CSMD3: variants seen among roughly 807,000 people sequenced by gnomAD.
CSMD3 encodes CUB and Sushi multiple domains 3.
In CSMD3, 177 loss-of-function variants were observed where a neutral mutation model predicts 435.2. The ratio of observed to expected loss-of-function variants is 0.41; its 90% CI spans 0.36 to 0.46. The LOEUF is 0.46. CSMD3 is among the 20% of genes least tolerant of loss of function. The pLI, the probability that CSMD3 is intolerant of heterozygous loss-of-function variation, is 0.34. For missense variants in CSMD3, 4,265 were observed against 4,504.6 expected (o/e 0.95, Z 1.52); for synonymous variants, 1,656 against 1,520.5 (o/e 1.09, Z -2.07).
intron 27 of CSMD3, among the ~76,000 whole-genome samples, chr8:112,548,633 A>C (rs1321795894): frequency 6.6e-6 from 1 of 152,130 alleles, no homozygotes; most frequent in African/African-American, 2.4e-5. Flanking sequence ...AAATGAGATT[A>C]TGTATATAAA....
intron 7 of CSMD3, among the ~76,000 whole-genome samples, chr8:112,975,441 G>C (rs2084810144): frequency 6.6e-6 from 1 of 151,876 alleles, no homozygotes; most frequent in African/African-American, 2.4e-5. Context: ...TTACTACATG[G>C]GATAAATCAT....
intron 36 of CSMD3, among the ~76,000 whole-genome samples, chr8:112,386,940 T>C (rs959595171): frequency 1.3e-5 from 2 of 152,248 alleles, no homozygotes; most frequent in Admixed American, 1.3e-4. Context: ...ATCATATAAC[T>C]GTTCAAATTA....
In CSMD3 at chr8:112,405,213, CCATATATAT is replaced by C. The variant is rs1180991663; in HGVS notation, c.5809+1302_5809+1310del. 7.9e-3 allele frequency among the ~76,000 whole-genome samples: 142 copies of C among 17,890 alleles called. 7 individuals are homozygous for C. The highest frequency in any genetic ancestry group is 0.036 in the Middle Eastern group (1 of 28). The allele number at this position is 17,890 out of a possible 152,430, so 11.7% of individuals were successfully genotyped here. On this transcript the variant is annotated intron_variant, in intron 35 of 70. Transcript: ENST00000297405. ...AAAAAAAAAAAAAAAAAAAAAACCC[CCATATATAT>C]ATATATATATATATATATATATATA...
chr8:113,133,440 C>A (rs531883364), intron 4 of CSMD3, among the ~76,000 whole-genome samples: 93 of 152,060 alleles, frequency 6.1e-4, no homozygotes, highest in African/African-American at 2.2e-3. Context: ...CAAGTGTTGG[C>A]AAAAATGTGG....
At chr8:112,491,263 C>A (rs988193849) in intron 31 of CSMD3, among the ~76,000 whole-genome samples, 4 of 146,986 alleles carry the variant, frequency 2.7e-5, no homozygotes, top group Non-Finnish European at 5.9e-5. Flanking sequence ...TAGACCAATT[C>A]AAACACTTGA....
chr8:112,844,117 TTAAG>T lies in CSMD3; in HGVS notation c.1756-14332_1756-14329del, dbSNP rs1369566639. Among the ~76,000 whole-genome samples, 3 of 152,072 alleles carry T rather than the reference TTAAG, an allele frequency of 2.0e-5. No homozygotes were observed. In the East Asian group the frequency reaches 5.8e-4, roughly 29 times the overall value. On this transcript the variant is annotated intron_variant, in intron 11 of 70. Transcript: ENST00000297405. ...ACTATTCATACAATTAATAGGAGGA[TTAAG>T]TGAGAAGATACATAAAAATAGCTTA...
intron 9 of CSMD3, among the ~76,000 whole-genome samples, chr8:112,940,523 T>C (rs528278553): frequency 6.6e-6 from 1 of 151,962 alleles, no homozygotes; most frequent in South Asian, 2.1e-4. Context: ...GGCATTTAAC[T>C]TTTTAATTTA....
chr8:113,252,031 G>A lies in CSMD3; in HGVS notation c.514+26561C>T, dbSNP rs187255157. Reference sequence around the variant, plus strand: ...TAAAATTTTCACAGATACCATAAGTGTAATTTACTTTTTATATTTTTCATA... The same window carrying A: ...TAAAATTTTCACAGATACCATAAGTATAATTTACTTTTTATATTTTTCATA... On this transcript the variant is annotated intron_variant, in intron 3 of 70. Transcript: ENST00000297405. Among the ~76,000 whole-genome samples, 10 of 152,104 alleles carry A rather than the reference G, an allele frequency of 6.6e-5. No homozygotes were observed. In the East Asian group the frequency reaches 1.9e-3, roughly 29 times the overall value.
intron 44 of CSMD3, among the ~76,000 whole-genome samples, chr8:112,335,737 G>T (rs866996516): frequency 1.3e-3 from 174 of 134,306 alleles, no homozygotes; most frequent in Admixed American, 2.0e-3. Flanking sequence ...CATTGTCTTT[G>T]TTTTTTTTTT....
intron 13 of CSMD3, among the ~76,000 whole-genome samples, chr8:112,784,533 T>C (rs76009379): frequency 0.025 from 3,869 of 151,730 alleles, 79 homozygotes; most frequent in East Asian, 0.074. Context: ...CATACTAAGA[T>C]ACAAAAAGAG....
intron 1 of CSMD3, among the ~76,000 whole-genome samples, chr8:113,315,101 G>GA (rs776618273): frequency 1.3e-5 from 2 of 152,098 alleles, no homozygotes; most frequent in East Asian, 3.8e-4. Flanking sequence ...CACAATCCTA[G>GA]AACACGGTAT....
At chr8:113,202,555 T>C (rs2092725792) in intron 3 of CSMD3, among the ~76,000 whole-genome samples, 1 of 152,116 alleles carries the variant, frequency 6.6e-6, no homozygotes, top group Non-Finnish European at 1.5e-5. Context: ...ATATGATTGT[T>C]CAAAGGCTTT....
At chr8:112,590,808 C>T (rs1224024110) in intron 22 of CSMD3, among the ~76,000 whole-genome samples, 1 of 152,052 alleles carries the variant, frequency 6.6e-6, no homozygotes, top group East Asian at 1.9e-4. Flanking sequence ...GGTAAGCACA[C>T]TTCTTCCTAC....
At chr8:112,780,763 C>T (rs1164266603) in intron 13 of CSMD3, among the ~76,000 whole-genome samples, 1 of 152,044 alleles carries the variant, frequency 6.6e-6, no homozygotes, top group African/African-American at 2.4e-5. Context: ...ATGGAGGAAA[C>T]ATTTAGACCA....
chr8:113,317,931 C>A (rs1433426661), intron 1 of CSMD3, among the ~76,000 whole-genome samples: 1 of 152,132 alleles, frequency 6.6e-6, no homozygotes, highest in Non-Finnish European at 1.5e-5. Flanking sequence ...GACTTTATAG[C>A]TACACAGCAT....
At chr8:112,622,253 T>C (rs188000611) in intron 22 of CSMD3, among the ~76,000 whole-genome samples, 1 of 152,168 alleles carries the variant, frequency 6.6e-6, no homozygotes, top group South Asian at 2.1e-4. Context: ...AAATGTCCTC[T>C]CCTGTCCAAC....
intron 9 of CSMD3, 54 bp downstream of exon 9, chr8:112,947,736 A>G: frequency 1.2e-6 from 1 of 806,208 alleles, no homozygotes; most frequent in Non-Finnish European, 2.2e-6. Flanking sequence ...AAAGATTTAA[A>G]TTAAAATAAA....
chr8:112,474,302 G>T (rs148234384), intron 31 of CSMD3, among the ~76,000 whole-genome samples: 109 of 152,280 alleles, frequency 7.2e-4, no homozygotes, highest in African/African-American at 2.5e-3. Context: ...ACTAGAGTGG[G>T]GAGGGGGCAA....
At chr8:112,563,423 C>T (rs1213662140) in intron 24 of CSMD3, among the ~76,000 whole-genome samples, 1 of 150,022 alleles carries the variant, frequency 6.7e-6, no homozygotes, top group African/African-American at 2.5e-5. Flanking sequence ...TTTTTAATGG[C>T]AGATGCTTTC....
Sources: allele counts gnomAD v4.1 joint callset (sites outside exome capture counted in the v4.1 genomes callset), GRCh38; gene constraint gnomAD v4.1.1; transcripts MANE v1.5; gene names NCBI Gene and HGNC (gene_info 2026-07-23, HGNC 2026-07-21).